The following ACSM1 variants were observed in gnomAD, a reference collection of about 807,000 sequenced individuals.
ACSM1 encodes acyl-coenzyme A synthetase ACSM1, mitochondrial.
Under a neutral mutation model 75.8 loss-of-function variants are expected in ACSM1, and 79 were observed. The ratio of observed to expected loss-of-function variants is 1.04; its 90% CI spans 0.87 to 1.26. The LOEUF (loss-of-function observed/expected upper bound fraction) is 1.26, where lower values mean the gene tolerates loss of function less well. Among genes scored for constraint, ACSM1 ranks in the 50% most tolerant of loss-of-function variants. ACSM1 has a pLI of 0.00. For missense variants in ACSM1, 676 were observed against 720.1 expected (o/e 0.94, Z 0.70); for synonymous variants, 279 against 265.8 (o/e 1.05, Z -0.48).
intron 13 of ACSM1, 43 bp from the exon 14 acceptor site, chr16:20,623,615 G>T (rs1358686872): frequency 1.3e-6 from 2 of 1,567,458 alleles, no homozygotes; most frequent in Non-Finnish European, 1.8e-6. Context: ...GAGTCCTGCT[G>T]CCATTTCCTA....
chr16:20,661,127 A>T (rs2019278747), intron 7 of ACSM1, among the ~76,000 whole-genome samples: 1 of 152,198 alleles, frequency 6.6e-6, no homozygotes, highest in South Asian at 2.1e-4. Flanking sequence ...AGCATTAAAC[A>T]TCAATAGCCT....
intron 4 of ACSM1, 50 bp downstream of exon 4, chr16:20,682,206 T>A: frequency 1.3e-6 from 2 of 1,573,360 alleles, no homozygotes; most frequent in Non-Finnish European, 1.7e-6. Context: ...TCCTAAATTA[T>A]CCCACAACAA....
chr16:20,643,347 G>C (rs1692730), intron 7 of ACSM1, among the ~76,000 whole-genome samples: 29,421 of 152,186 alleles, frequency 0.19, 4,123 homozygotes, highest in African/African-American at 0.4. Flanking sequence ...CTTGGCGATA[G>C]GTGATAGTCC....
intron 2 of ACSM1, among the ~76,000 whole-genome samples, chr16:20,686,796 C>T (rs2079560722): frequency 7.4e-6 from 1 of 134,676 alleles, no homozygotes; most frequent in African/African-American, 2.7e-5. Flanking sequence ...AGAATGAGAC[C>T]CTGTCTCAAA....
In ACSM1 at chr16:20,669,441, A is replaced by AACACACAC. The variant is rs71149170; in HGVS notation, c.912+378_912+385dup. Reference sequence around the variant, plus strand: ...AACATTTTATCATATTGAGTAAGAAAACACACACACACACACACACACACA... The same window carrying AACACACAC: ...AACATTTTATCATATTGAGTAAGAAAACACACACACACACACACACACACACACACACA... On this transcript the variant is annotated intron_variant, in intron 6 of 13. Coordinates refer to ENST00000520010, the MANE Select transcript of ACSM1 (RefSeq NM_001318890.3). Among the ~76,000 whole-genome samples, 552 of 141,342 alleles carry AACACACAC rather than the reference A, an allele frequency of 3.9e-3. 7 individuals are homozygous for AACACACAC. Among genetic ancestry groups the AACACACAC allele is most frequent in the African/African-American group, 0.011 (421 of 37,940 alleles). 92.7% of individuals were successfully genotyped at this position (141,342 alleles called of 152,430 possible). A position where few individuals can be genotyped will look rare whatever the true frequency, so the allele number is the denominator to read the frequency against.
chr16:20,624,849 C>A (rs745838671), intron 12 of ACSM1, among the ~76,000 whole-genome samples: 2 of 151,948 alleles, frequency 1.3e-5, no homozygotes, highest in South Asian at 4.2e-4. Flanking sequence ...CGCCCACCCC[C>A]CATTCCACCC....
In ACSM1 at chr16:20,697,635, C is replaced by A. The variant is rs959260918; in HGVS notation, c.-52+1G>T. ...GAAGCTGACCTTCACCTCTGTCTTA[C>A]CTGGTACTGTTTAGGACGTAGCTGA... On this transcript the variant is annotated splice_donor_variant, in intron 1 of 13. Transcript: ENST00000520010. LOFTEE classifies it low-confidence loss of function (5UTR_SPLICE). 6.6e-6 allele frequency: 1 copy of A among 151,452 alleles called. No homozygotes were observed. The highest frequency in any genetic ancestry group is 2.4e-5 in the African/African-American group (1 of 40,914). 9.4% of individuals were successfully genotyped at this position (151,452 alleles called of 1,614,324 possible).
intron 2 of ACSM1, 55 bp downstream of exon 2, chr16:20,690,942 T>C (rs1021944184): frequency 9.7e-6 from 15 of 1,552,990 alleles, no homozygotes; most frequent in Non-Finnish European, 1.3e-5. Flanking sequence ...AGGAGCAAGA[T>C]AAGGAAAGTG....
chr16:20,654,267 T>C (rs993401796), intron 7 of ACSM1, among the ~76,000 whole-genome samples: 4 of 152,192 alleles, frequency 2.6e-5, no homozygotes, highest in African/African-American at 9.6e-5. Context: ...GATTAAAGAC[T>C]GAAATGTTAG....
intron 4 of ACSM1, among the ~76,000 whole-genome samples, chr16:20,672,738 TTA>T (rs1282087403): frequency 8.1e-6 from 1 of 122,720 alleles, no homozygotes; most frequent in East Asian, 2.2e-4. Flanking sequence ...TATATGTAAG[TTA>T]TATATAATAT....
intron 9 of ACSM1, 44 bp downstream of exon 9, chr16:20,637,327 C>G (rs762429195): frequency 1.9e-6 from 3 of 1,546,728 alleles, no homozygotes; most frequent in East Asian, 2.2e-5. Context: ...GTCCAACCCC[C>G]GCTGAGCCCT....
At chr16:20,638,821 A>G (rs945019274) in intron 8 of ACSM1, among the ~76,000 whole-genome samples, 1 of 152,218 alleles carries the variant, frequency 6.6e-6, no homozygotes, top group Non-Finnish European at 1.5e-5. Context: ...ACATGAGTGA[A>G]CAGATGTGAA....
chr16:20,686,144 A>G (rs2079550133), intron 2 of ACSM1, among the ~76,000 whole-genome samples: 1 of 152,176 alleles, frequency 6.6e-6, no homozygotes, highest in African/African-American at 2.4e-5. Flanking sequence ...TAAATGCTCA[A>G]TAAATATTAT....
intron 1 of ACSM1, 65 bp downstream of exon 1, chr16:20,697,562 CACACACACA>C (rs2079696510): frequency 1.2e-4 from 3 of 24,010 alleles, no homozygotes; most frequent in Non-Finnish European, 5.5e-4. Flanking sequence ...GGATTACACA[CACACACACA>C]CACACACACA....
At position 20,672,471 on chromosome 16, in the gene ACSM1, A is replaced by AAAAAAAAAAAATAT. The variant is rs1555473775; in HGVS notation, c.612-801_612-800insATATTTTTTTTTTT. Among the ~76,000 whole-genome samples the AAAAAAAAAAAATAT allele has an allele frequency of 3.4e-4, 22 of 64,568 alleles. No individual in the cohort carries two copies. The East Asian group carries it at 3.9e-3, about 11-fold the overall frequency. 42.4% of individuals were successfully genotyped at this position (64,568 alleles called of 152,430 possible). A position where few individuals can be genotyped will look rare whatever the true frequency, so the allele number is the denominator to read the frequency against. On this transcript the variant is annotated intron_variant, in intron 4 of 13. Transcript: ENST00000520010. Reference sequence around the variant, plus strand: ...CTCAAAAAAAAAAAAAAAAAAAAAAAATATATATATATATATATATATATA... The same window carrying AAAAAAAAAAAATAT: ...CTCAAAAAAAAAAAAAAAAAAAAAAAAAAAAAAAAAATATATATATATATATATATATATATATA...
intron 10 of ACSM1, among the ~76,000 whole-genome samples, chr16:20,628,575 C>T (rs532346437): frequency 5.9e-5 from 9 of 151,844 alleles, no homozygotes; most frequent in Non-Finnish European, 2.9e-5. Flanking sequence ...AGCATAATCC[C>T]CCAGAGATTC....
At chr16:20,629,391 G>A (rs2017198549) in intron 10 of ACSM1, among the ~76,000 whole-genome samples, 1 of 151,928 alleles carries the variant, frequency 6.6e-6, no homozygotes, top group South Asian at 2.1e-4. Flanking sequence ...TTAGGATGTT[G>A]TATGTAATAT....
At chr16:20,627,612 T>G (rs2017031541) in intron 10 of ACSM1, among the ~76,000 whole-genome samples, 1 of 151,836 alleles carries the variant, frequency 6.6e-6, no homozygotes, top group South Asian at 2.1e-4. Flanking sequence ...GGGTGGATCA[T>G]GAGGTCAGGA....
chr16:20,639,263 C>T lies in ACSM1; in HGVS notation c.1116+1198G>A, dbSNP rs142125663. 4.0e-4 allele frequency among the ~76,000 whole-genome samples: 61 copies of T among 152,348 alleles called. No homozygotes were observed. The East Asian group carries it at 0.011, about 27-fold the overall frequency. On this transcript the variant is annotated intron_variant, in intron 8 of 13. Coordinates refer to ENST00000520010, the MANE Select transcript of ACSM1 (RefSeq NM_001318890.3). ...CAAATGCCCCACTCACCTGGCAGCTCAGTGATACTCTGGAATGACACTGTT... is the reference window on the plus strand; with the variant it reads ...CAAATGCCCCACTCACCTGGCAGCTTAGTGATACTCTGGAATGACACTGTT...
Sources: allele counts gnomAD v4.1 joint callset (sites outside exome capture counted in the v4.1 genomes callset), GRCh38; gene constraint gnomAD v4.1.1; transcripts MANE v1.5; gene names NCBI Gene and HGNC (gene_info 2026-07-23, HGNC 2026-07-21).